Variants in YTHDC2 observed in about 807,000 individuals in gnomAD.
The protein encoded by YTHDC2 is YTH N6-methyladenosine RNA binding protein C2, also known as 3'-5' RNA helicase YTHDC2.
YTHDC2 carries 45 observed loss-of-function variants against 174.9 expected under a neutral mutation model. The observed-to-expected ratio is 0.26, with a 90% CI of 0.20 to 0.33. The LOEUF (loss-of-function observed/expected upper bound fraction) is 0.33, where lower values mean the gene tolerates loss of function less well. Among genes scored for constraint, YTHDC2 ranks in the 10% least tolerant of loss-of-function variants. The probability of loss-of-function intolerance (pLI) is 1.00; values close to 1 mark genes in which losing one functional copy is unlikely to be tolerated. For missense variants in YTHDC2, 1,650 were observed against 1,723.7 expected (o/e 0.96, Z 0.76); for synonymous variants, 657 against 574.5 (o/e 1.14, Z -2.05).
intron 25 of YTHDC2, 44 bp downstream of exon 25, chr5:113,581,753 G>T: frequency 7.3e-6 from 10 of 1,371,848 alleles, no homozygotes; most frequent in Middle Eastern, 2.4e-4. Flanking sequence ...TTTTTATTCA[G>T]GAAAATGAAT....
chr5:113,524,360 A>C (rs1774073270), intron 2 of YTHDC2, among the ~76,000 whole-genome samples: 1 of 152,192 alleles, frequency 6.6e-6, no homozygotes, highest in South Asian at 2.1e-4. Context: ...ACCTACAGTA[A>C]ATAACTTGAA....
chr5:113,538,579 G>A (rs979197657), intron 7 of YTHDC2, among the ~76,000 whole-genome samples: 3 of 151,802 alleles, frequency 2.0e-5, no homozygotes, highest in South Asian at 2.1e-4. Context: ...CTTTTCATAT[G>A]GCTTTGTTAT....
chr5:113,540,080 G>T (rs1775347000), intron 8 of YTHDC2, among the ~76,000 whole-genome samples: 1 of 152,080 alleles, frequency 6.6e-6, no homozygotes, highest in Non-Finnish European at 1.5e-5. Flanking sequence ...TAGATACGCA[G>T]TCTAGTTACA....
intron 12 of YTHDC2, among the ~76,000 whole-genome samples, chr5:113,552,309 T>C (rs1296910467): frequency 2.0e-5 from 3 of 152,094 alleles, no homozygotes. Context: ...AAAAGAAACT[T>C]GTACCCATTA....
At chr5:113,524,918 C>A in intron 2 of YTHDC2, 63 bp from the exon 3 acceptor site, 1 of 1,176,464 alleles carries the variant, frequency 8.5e-7, no homozygotes, top group Non-Finnish European at 1.2e-6. Flanking sequence ...TCTAAGTGGG[C>A]ATACATCATA....
rs377127456 is a variant in YTHDC2, at chr5:113,561,063, T to C, written c.2217-17T>C. The C allele has an allele frequency of 1.3e-5, 21 of 1,591,812 alleles. 1 individual carries two copies. Among genetic ancestry groups the C allele is most frequent in the African/African-American group, 9.4e-5 (7 of 74,384 alleles). On this transcript the variant is annotated splice_polypyrimidine_tract_variant and intron_variant, in intron 17 of 29. Coordinates refer to ENST00000161863, the MANE Select transcript of YTHDC2 (RefSeq NM_022828.5). Reference sequence around the variant, plus strand: ...TTATTCGTTGTTTGAGTCCTAATCTTGTACTTTATTTTTAAGGGCAGGGCG... The same window carrying C: ...TTATTCGTTGTTTGAGTCCTAATCTCGTACTTTATTTTTAAGGGCAGGGCG...
At chr5:113,544,696 G>GT (rs112659406) in intron 10 of YTHDC2, among the ~76,000 whole-genome samples, 2,636 of 146,930 alleles carry the variant, frequency 0.018, 34 homozygotes, top group African/African-American at 0.038. Flanking sequence ...TAAATTTTTT[G>GT]TTTTTTTTTT....
rs1561664533 is a variant in YTHDC2, at chr5:113,553,494, C to T, written c.1868-96C>T. 4 of 1,449,476 alleles carry T rather than the reference C, an allele frequency of 2.8e-6. No individual in the cohort carries two copies. The East Asian group carries it at 7.1e-5, about 26-fold the overall frequency. 89.8% of individuals were successfully genotyped at this position (1,449,476 alleles called of 1,614,324 possible). A position where few individuals can be genotyped will look rare whatever the true frequency, so the allele number is the denominator to read the frequency against. On this transcript the variant is annotated intron_variant, in intron 13 of 29. Transcript: ENST00000161863. Reference sequence around the variant, plus strand: ...CTCCTGTCATCTTATGATAGTTTACCAGTACTTGAAAACATGTGATACAGA... The same window carrying T: ...CTCCTGTCATCTTATGATAGTTTACTAGTACTTGAAAACATGTGATACAGA...
At chr5:113,556,028 A>C in intron 16 of YTHDC2, 24 bp from the exon 17 acceptor site, 1 of 1,426,454 alleles carries the variant, frequency 7.0e-7, no homozygotes, top group Non-Finnish European at 9.8e-7. Flanking sequence ...ATATTCTAAC[A>C]TAAAGATGGT....
At position 113,556,128 on chromosome 5, in the gene YTHDC2, A is replaced by G; in HGVS notation, c.2210A>G (p.Lys737Arg). ...TCCAAAGCTAGTGCCATACAGCGGA[A>G]AGGCAGGTAATGTATATTTAATGTA... is the stretch of plus-strand genomic sequence containing the variant. Reference protein sequence around the residue: ...WISKASAIQRKGRAGRCRPGI... With the variant: ...WISKASAIQRRGRAGRCRPGI... Residue 737 changes from lysine to arginine, a missense_variant, in exon 17 of 30, where the codon AAA becomes AGA. Coordinates refer to ENST00000161863, the MANE Select transcript of YTHDC2 (RefSeq NM_022828.5). The G allele has an allele frequency of 6.2e-7, 1 of 1,600,952 alleles. No individual in the cohort carries two copies. Among genetic ancestry groups the G allele is most frequent in the Non-Finnish European group, 8.5e-7 (1 of 1,170,034 alleles).
At chr5:113,556,757 T>C (rs1776637674) in intron 17 of YTHDC2, among the ~76,000 whole-genome samples, 2 of 152,218 alleles carry the variant, frequency 1.3e-5, no homozygotes, top group South Asian at 4.1e-4. Context: ...TATCCAAATC[T>C]ACTCTTTGAC....
chr5:113,567,576 CTT>C lies in YTHDC2; in HGVS notation c.3049-76_3049-75del, dbSNP rs1158380752. 8 of 1,250,194 alleles carry C rather than the reference CTT, an allele frequency of 6.4e-6. No homozygotes were observed. In the Admixed American group the frequency reaches 8.7e-5, roughly 14 times the overall value. The allele number at this position is 1,250,194 out of a possible 1,614,324, so 77.4% of individuals were successfully genotyped here. A position where few individuals can be genotyped will look rare whatever the true frequency, so the allele number is the denominator to read the frequency against. On this transcript the variant is annotated intron_variant, in intron 22 of 29. Transcript: ENST00000161863. ...ATACATCATCTATTTCATTGAGAGA[CTT>C]TACATTTTAAAAGTATTTCCAATAA... is the stretch of plus-strand genomic sequence containing the variant.
chr5:113,593,047 C>T (rs1450105841), intron 28 of YTHDC2: 1 of 296,126 alleles, frequency 3.4e-6, no homozygotes, highest in African/African-American at 2.2e-5. Flanking sequence ...TTCCAGGACT[C>T]CATGGGAATC....
At chr5:113,519,339 T>C (rs1021200972) in intron 2 of YTHDC2, among the ~76,000 whole-genome samples, 5 of 152,196 alleles carry the variant, frequency 3.3e-5, no homozygotes, top group Admixed American at 6.5e-5. Flanking sequence ...TCCTCAACTT[T>C]AAAGGTTGTG....
At chr5:113,524,455 A>T (rs898908401) in intron 2 of YTHDC2, among the ~76,000 whole-genome samples, 1 of 152,124 alleles carries the variant, frequency 6.6e-6, no homozygotes, top group Admixed American at 6.5e-5. Flanking sequence ...ATCTGAAATT[A>T]TTTATCAGTA....
At chr5:113,579,433 T>A (rs1244185228) in intron 23 of YTHDC2, among the ~76,000 whole-genome samples, 153 bp from the exon 24 acceptor site, 1 of 152,206 alleles carries the variant, frequency 6.6e-6, no homozygotes, top group Non-Finnish European at 1.5e-5. Context: ...ATACTGAGAT[T>A]TAACATGTGA....
intron 2 of YTHDC2, among the ~76,000 whole-genome samples, chr5:113,517,836 A>G (rs1038585706): frequency 6.6e-6 from 1 of 152,154 alleles, no homozygotes; most frequent in Non-Finnish European, 1.5e-5. Context: ...TTGTATGAGA[A>G]TTTGTACCTG....
chr5:113,570,246 A>G (rs1283312026), intron 23 of YTHDC2, among the ~76,000 whole-genome samples: 1 of 151,454 alleles, frequency 6.6e-6, no homozygotes, highest in African/African-American at 2.4e-5. Flanking sequence ...ACAGGCACGC[A>G]CCACAATTCC....
At position 113,546,808 on chromosome 5, in the gene YTHDC2, A is replaced by G. The variant is rs116784303; in HGVS notation, c.1496-1733A>G. Among the ~76,000 whole-genome samples, 1,012 of 152,262 alleles carry G rather than the reference A, an allele frequency of 6.6e-3. 6 individuals carry two copies. The highest frequency in any genetic ancestry group is 0.014 in the Middle Eastern group (4 of 294). ...CTGAAGGTTTTTGGGGCTGGAGAGT[A>G]TGCTTTCAAGAAGCCTCACTTACAT... On this transcript the variant is annotated intron_variant, in intron 10 of 29. Transcript: ENST00000161863.
Sources: gnomAD v4.1 joint callset for allele counts (sites outside exome capture counted in the v4.1 genomes callset) on GRCh38, gnomAD v4.1.1 for gene constraint, MANE v1.5 for transcripts, NCBI Gene and HGNC (gene_info 2026-07-23, HGNC 2026-07-21) for gene names.